Variants in NOX4 observed in about 807,000 individuals in gnomAD.
NOX4 encodes the protein NADPH oxidase 4.
Under a neutral mutation model 87.6 loss-of-function variants are expected in NOX4, and 69 were observed. The observed-to-expected ratio is 0.79, with a 90% CI of 0.65 to 0.96. NOX4 has a LOEUF of 0.96. Among genes scored for constraint, NOX4 ranks in the 40% least tolerant of loss-of-function variants. The pLI, the probability that NOX4 is intolerant of heterozygous loss-of-function variation, is 0.00. For synonymous variants in NOX4, 275 were observed against 238.2 expected, an observed-to-expected ratio of 1.15 and a Z score of -1.42; for missense variants, 680 against 681.5, an observed-to-expected ratio of 1.00 and a Z score of 0.02.
intron 12 of NOX4, among the ~76,000 whole-genome samples, chr11:89,356,923 AC>A (rs1396487778): frequency 6.6e-6 from 1 of 152,152 alleles, no homozygotes; most frequent in Non-Finnish European, 1.5e-5. Flanking sequence ...CAGCAAGTGG[AC>A]CCATACTCCT....
rs1341340989 is a variant in NOX4 at position 89,444,200 on chromosome 11, G to C, written c.382C>G (p.Leu128Val). The change falls in exon 5 of 18, where the codon CTC becomes GTC. Residue 128 changes from leucine to valine, a missense_variant. Transcript: ENST00000263317. ...TCACTGTAATTCACTGAGAAGTTGA[G>C]GGCATTCACCAGATGGGCAGCCACA... The part of the protein sequence containing the change: ...VHVAAHLVNA[L>V]NFSVNYSEDF... 6.2e-7 allele frequency: 1 copy of C among 1,613,496 alleles called. No homozygotes were observed. Among genetic ancestry groups the C allele is most frequent in the Non-Finnish European group, 8.5e-7 (1 of 1,179,666 alleles).
the NOX4 span, among the ~76,000 whole-genome samples, chr11:89,540,707 G>T: frequency 6.8e-6 from 1 of 147,272 alleles, no homozygotes; most frequent in South Asian, 2.2e-4. Flanking sequence ...AGAATGGTGT[G>T]AACGCGGGAG....
intron 11 of NOX4, 106 bp downstream of exon 11, chr11:89,399,911 G>A (rs111784974): frequency 0.026 from 18,092 of 683,378 alleles, 562 homozygotes; most frequent in East Asian, 0.12. Flanking sequence ...AACATCAAGA[G>A]TACTATGATA....
the NOX4 span, among the ~76,000 whole-genome samples, chr11:89,580,266 C>A: frequency 6.6e-6 from 1 of 152,138 alleles, no homozygotes; most frequent in East Asian, 1.9e-4. Flanking sequence ...CTCACTGAAG[C>A]CTTGACCTCC....
chr11:89,384,512 A>T (rs181588479), intron 11 of NOX4, among the ~76,000 whole-genome samples: 1 of 151,500 alleles, frequency 6.6e-6, no homozygotes, highest in Non-Finnish European at 1.5e-5. Context: ...CAAAACAACA[A>T]CTCCTTTCCT....
chr11:89,552,048 C>G, the NOX4 span, among the ~76,000 whole-genome samples: 3 of 152,122 alleles, frequency 2.0e-5, no homozygotes, highest in African/African-American at 4.8e-5. Flanking sequence ...CTTATTTTTA[C>G]CATGAGTAAC....
chr11:89,420,773 T>G (rs1943040457), intron 8 of NOX4, among the ~76,000 whole-genome samples: 1 of 152,166 alleles, frequency 6.6e-6, no homozygotes, highest in Non-Finnish European at 1.5e-5. Flanking sequence ...TATTTCAGGT[T>G]AAGAAAAATA....
At chr11:89,519,072 C>A in the NOX4 span, among the ~76,000 whole-genome samples, 1 of 151,866 alleles carries the variant, frequency 6.6e-6, no homozygotes, top group Non-Finnish European at 1.5e-5. Context: ...TTGTTGGTAT[C>A]AAATAATAAA....
the NOX4 span, among the ~76,000 whole-genome samples, chr11:89,516,874 C>A: frequency 6.6e-6 from 1 of 152,062 alleles, no homozygotes; most frequent in East Asian, 1.9e-4. Context: ...TTGGGGAGTT[C>A]TTTCTGCCAG....
intron 11 of NOX4, among the ~76,000 whole-genome samples, chr11:89,378,890 C>G (rs981139971): frequency 6.6e-6 from 1 of 152,116 alleles, no homozygotes; most frequent in African/African-American, 2.4e-5. Flanking sequence ...ACAATTAATG[C>G]AACATCATGA....
At chr11:89,495,784 T>G (rs556680661), upstream of NOX4, among the ~76,000 whole-genome samples, 1 of 152,190 alleles carries the variant, frequency 6.6e-6, no homozygotes, top group Non-Finnish European at 1.5e-5. Context: ...CCAGGAAACA[T>G]GCCTGATAGA....
At chr11:89,355,940 T>C (rs1474476710) in intron 12 of NOX4, among the ~76,000 whole-genome samples, 1 of 152,096 alleles carries the variant, frequency 6.6e-6, no homozygotes, top group Non-Finnish European at 1.5e-5. Context: ...CATTTGTGCT[T>C]ATTCGCAAAC....
chr11:89,413,657 C>T (rs4107611), intron 8 of NOX4, among the ~76,000 whole-genome samples: 5,254 of 151,880 alleles, frequency 0.035, 319 homozygotes, highest in African/African-American at 0.12. Context: ...AGTAGAATGA[C>T]GATTACCAGA....
chr11:89,578,028 G>A, the NOX4 span, among the ~76,000 whole-genome samples: 1 of 151,908 alleles, frequency 6.6e-6, no homozygotes, highest in Admixed American at 6.6e-5. Flanking sequence ...AATACCGTAT[G>A]TTTTCTTAGG....
the NOX4 span, among the ~76,000 whole-genome samples, chr11:89,575,233 G>A: frequency 6.7e-6 from 1 of 150,032 alleles, no homozygotes; most frequent in Admixed American, 6.7e-5. Context: ...CATTTCTAAT[G>A]AAGCTTAGTG....
intron 2 of NOX4, among the ~76,000 whole-genome samples, chr11:89,477,778 G>A (rs1301515711): frequency 6.6e-6 from 1 of 151,712 alleles, no homozygotes; most frequent in African/African-American, 2.4e-5. Flanking sequence ...GCTTGACGAA[G>A]GTTTTATAAA....
At position 89,429,248 on chromosome 11, in the gene NOX4, G is replaced by A. The variant is rs561366870; in HGVS notation, c.548+3536C>T. The stretch of plus-strand genomic sequence containing the variant: ...AATTTATAGCACTAAATGTCCACAA[G>A]AGAAAGCAGGAAAGATCTAAAATTG... On this transcript the variant is annotated intron_variant, in intron 7 of 17. Transcript: ENST00000263317. 2.6e-5 allele frequency among the ~76,000 whole-genome samples: 4 copies of A among 152,238 alleles called. No individual in the cohort carries two copies. In the East Asian group the frequency reaches 7.7e-4, roughly 29 times the overall value.
chr11:89,501,970 G>T (rs1947026802), upstream of NOX4, among the ~76,000 whole-genome samples: 1 of 152,026 alleles, frequency 6.6e-6, no homozygotes, highest in Non-Finnish European at 1.5e-5. Context: ...TATATATCAG[G>T]ACAAAGGAAG....
chr11:89,514,553 C>G, the NOX4 span, among the ~76,000 whole-genome samples: 2 of 151,880 alleles, frequency 1.3e-5, no homozygotes, highest in Non-Finnish European at 2.9e-5. Context: ...TTAAAATTAG[C>G]AAGAACAGAT....
Sources: allele counts gnomAD v4.1 joint callset (sites outside exome capture counted in the v4.1 genomes callset), GRCh38; gene constraint gnomAD v4.1.1; transcripts MANE v1.5; gene names NCBI Gene and HGNC (gene_info 2026-07-23, HGNC 2026-07-21).